The following AKAP9 variants were observed in gnomAD, a reference collection of about 807,000 sequenced individuals.
The protein encoded by AKAP9 is A-kinase anchor protein 9.
A neutral mutation model predicts 488.5 loss-of-function variants in AKAP9; 311 were observed. That is an observed-to-expected ratio of 0.64 (90% CI 0.58 to 0.70). The LOEUF (loss-of-function observed/expected upper bound fraction) is 0.70. AKAP9 is among the 30% of genes least tolerant of loss of function. The pLI is 0.00. For synonymous variants in AKAP9, 1,462 were observed against 1,483.5 expected, an observed-to-expected ratio of 0.99 and a Z score of 0.33; for missense variants, 4,215 against 4,374.5, an observed-to-expected ratio of 0.96 and a Z score of 1.03.
intron 3 of AKAP9, among the ~76,000 whole-genome samples, chr7:91,987,640 T>C (rs1584726029): frequency 1.3e-5 from 2 of 152,308 alleles, no homozygotes; most frequent in Non-Finnish European, 2.9e-5. Flanking sequence ...CTAAGATGGA[T>C]ACTAGTTGGA....
intron 32 of AKAP9, 25 bp downstream of exon 32, chr7:92,082,687 A>T (rs1813794225): frequency 6.2e-7 from 1 of 1,612,302 alleles, no homozygotes; most frequent in African/African-American, 1.3e-5. Context: ...ATAGCTCCTA[A>T]TTCACTCATT....
intron 8 of AKAP9, among the ~76,000 whole-genome samples, chr7:92,004,189 C>T (rs1285163144): frequency 6.6e-6 from 1 of 152,136 alleles, no homozygotes; most frequent in Non-Finnish European, 1.5e-5. Context: ...CAGTACCATG[C>T]TGTTTTGGTT....
In AKAP9 at chr7:92,003,111, G is replaced by C. The variant is rs1799370777; in HGVS notation, c.3194G>C (p.Ser1065Thr). The stretch of plus-strand genomic sequence containing the variant: ...GAAAATATGACTGTTGGAGAAGAAA[G>C]TAAGCAAGAACAGTTGATTTTGGAT... ...SFENMTVGEESKQEQLILDHL... is the reference protein window; with the variant it reads ...SFENMTVGEETKQEQLILDHL... Residue 1065 changes from serine (S) to threonine (T), a missense_variant, in exon 8 of 50, where the codon AGT (serine) becomes ACT (threonine). By Grantham distance (58) the Ser-to-Thr change is moderately conservative. Coordinates refer to ENST00000356239, the MANE Select transcript of AKAP9 (RefSeq NM_005751.5). 6.2e-7 allele frequency: 1 copy of C among 1,611,654 alleles called. No homozygotes were observed. Among genetic ancestry groups the C allele is most frequent in the Admixed American group, 1.7e-5 (1 of 59,750 alleles).
intron 39 of AKAP9, 54 bp from the exon 40 acceptor site, chr7:92,094,969 T>A: frequency 6.4e-7 from 1 of 1,566,972 alleles, no homozygotes; most frequent in Non-Finnish European, 8.8e-7. Flanking sequence ...CTCTCTCTCA[T>A]TATATGCTTC....
At chr7:91,999,740 A>G (rs993480651) in intron 7 of AKAP9, among the ~76,000 whole-genome samples, 2 of 152,146 alleles carry the variant, frequency 1.3e-5, no homozygotes, top group African/African-American at 4.8e-5. Flanking sequence ...TACATTTGGT[A>G]ATGTTTTTTC....
intron 3 of AKAP9, among the ~76,000 whole-genome samples, chr7:91,986,421 C>G (rs1010181897): frequency 6.6e-6 from 1 of 152,194 alleles, no homozygotes; most frequent in African/African-American, 2.4e-5. Flanking sequence ...CGACCAGTCC[C>G]AGTGAGATGA....
Position 92,044,217 on chromosome 7 carries a change from A to G in AKAP9, c.5163-791A>G, listed in dbSNP as rs77827557. Among the ~76,000 whole-genome samples, 270 of 152,318 alleles carry G rather than the reference A, an allele frequency of 1.8e-3. 8 individuals are homozygous for G. In the East Asian group the frequency reaches 0.049, roughly 27 times the overall value. On this transcript the variant is annotated intron_variant, in intron 20 of 49. Transcript: ENST00000356239. The stretch of plus-strand genomic sequence containing the variant: ...TGCTGAGGTTTTTTGGTGAGTGGTT[A>G]GCAGTATTTTCCAAATTTTTTAAAA...
chr7:92,044,974 A>G (rs778172562), intron 20 of AKAP9, 34 bp from the exon 21 acceptor site: 4 of 1,541,496 alleles, frequency 2.6e-6, no homozygotes, highest in Non-Finnish European at 3.6e-6. Flanking sequence ...CAAAAATATT[A>G]AACATTTTAA....
intron 14 of AKAP9, among the ~76,000 whole-genome samples, chr7:92,026,943 C>T (rs530456622): frequency 1.5e-4 from 21 of 144,672 alleles, no homozygotes; most frequent in Admixed American, 1.0e-3. Flanking sequence ...TCTGCCCGGC[C>T]GCCCTGTCTG....
In AKAP9 at chr7:91,940,892, C is replaced by CGGCGGCGGCGGT; in HGVS notation, c.-200_-199insCGGTGGCGGCGG. On this transcript the variant is annotated 5_prime_UTR_variant, in exon 1 of 50. Coordinates refer to ENST00000356239, the MANE Select transcript of AKAP9 (RefSeq NM_005751.5). ...TACGTGGAGACGAAGATGGCGGCGG[C>CGGCGGCGGCGGT]GGCGGCGGTGACGGCGCTTCCCGTG... 1 of 608,684 alleles carries CGGCGGCGGCGGT rather than the reference C, an allele frequency of 1.6e-6. No individual in the cohort carries two copies. The highest frequency in any genetic ancestry group is 2.9e-6 in the Non-Finnish European group (1 of 340,122). The allele number at this position is 608,684 out of a possible 1,614,324, so 37.7% of individuals were successfully genotyped here.
intron 1 of AKAP9, among the ~76,000 whole-genome samples, chr7:91,959,838 GC>G (rs748390008): frequency 6.6e-6 from 1 of 152,092 alleles, no homozygotes; most frequent in Non-Finnish European, 1.5e-5. Context: ...GGCCTGTTTG[GC>G]ACTGTTATTT....
intron 1 of AKAP9, among the ~76,000 whole-genome samples, chr7:91,962,996 A>T (rs536419984): frequency 6.6e-6 from 1 of 152,336 alleles, no homozygotes; most frequent in Non-Finnish European, 1.5e-5. Context: ...GTATTTTCTA[A>T]TGCAGACAAT....
intron 43 of AKAP9, among the ~76,000 whole-genome samples, chr7:92,098,527 G>A (rs1329036842): frequency 6.6e-6 from 1 of 152,184 alleles, no homozygotes; most frequent in East Asian, 1.9e-4. Flanking sequence ...GACTCCTACA[G>A]TGTCTAAACA....
At chr7:92,081,677 G>A (rs1487544513) in intron 31 of AKAP9, among the ~76,000 whole-genome samples, 1 of 151,598 alleles carries the variant, frequency 6.6e-6, no homozygotes, top group African/African-American at 2.4e-5. Flanking sequence ...TCTGTTTTAA[G>A]TAAAAATGCG....
At chr7:92,011,670 A>G (rs1279940175) in intron 8 of AKAP9, among the ~76,000 whole-genome samples, 1 of 152,238 alleles carries the variant, frequency 6.6e-6, no homozygotes. Flanking sequence ...GTGGAGCGTA[A>G]TGGAAAGCCC....
chr7:91,984,678 A>G (rs75497198), intron 3 of AKAP9, among the ~76,000 whole-genome samples: 62,945 of 151,962 alleles, frequency 0.41, 13,484 homozygotes, highest in African/African-American at 0.51. Flanking sequence ...AAAGTCATTG[A>G]TAGCTTGATG....
intron 1 of AKAP9, among the ~76,000 whole-genome samples, chr7:91,957,399 G>A (rs1325402443): frequency 2.0e-5 from 3 of 152,110 alleles, no homozygotes; most frequent in South Asian, 4.1e-4. Context: ...TAGCATAAAA[G>A]CATCTTTGAA....
chr7:92,079,318 G>C lies in AKAP9; in HGVS notation c.7185G>C (p.Lys2395Asn). ...KHQLDVVIAE[K>N]LALEQQVETA... ...AATTGGATGTGGTTATAGCTGAAAAGCTGGCCTTGGAACAGCAAGTAGAAA... is the reference window on the plus strand; with the variant it reads ...AATTGGATGTGGTTATAGCTGAAAACCTGGCCTTGGAACAGCAAGTAGAAA... Residue 2395 changes from lysine (K) to asparagine (N), a missense_variant, in exon 31 of 50, where the codon AAG becomes AAC. Coordinates refer to ENST00000356239, the MANE Select transcript of AKAP9 (RefSeq NM_005751.5). 1 of 1,614,028 alleles carries C rather than the reference G, an allele frequency of 6.2e-7. No individual in the cohort carries two copies. Among genetic ancestry groups the C allele is most frequent in the Non-Finnish European group, 8.5e-7 (1 of 1,179,986 alleles).
Position 92,002,050 on chromosome 7 carries a change from T to G in AKAP9, c.2133T>G (p.Asn711Lys). The G allele has an allele frequency of 6.2e-7, 1 of 1,603,598 alleles. No homozygotes were observed. Among genetic ancestry groups the G allele is most frequent in the East Asian group, 2.2e-5 (1 of 44,726 alleles). The change falls in exon 8 of 50, where the codon AAT (asparagine) becomes AAG (lysine). Residue 711 changes from asparagine to lysine, a missense_variant. By Grantham distance (94) the Asn-to-Lys change is moderately conservative. This residue lies in a region of AKAP9 where 2,361 missense variants were observed against 2,430.0 expected (regional missense o/e 0.97). Coordinates refer to ENST00000356239, the MANE Select transcript of AKAP9 (RefSeq NM_005751.5). ...AAGATTTACAGCAGTCTCTTGTAAA[T>G]TCAAAGTCAGAAGAAATGACTCTTC... ...KLKDLQQSLV[N>K]SKSEEMTLQI...
Sources: allele counts gnomAD v4.1 joint callset (sites outside exome capture counted in the v4.1 genomes callset), GRCh38; gene constraint gnomAD v4.1.1; regional missense constraint gnomAD v4.1.1; transcripts MANE v1.5; gene names NCBI Gene and HGNC (gene_info 2026-07-23, HGNC 2026-07-21).